SMC5: variants seen among roughly 807,000 people sequenced by gnomAD.
SMC5 encodes the protein structural maintenance of chromosomes protein 5.
SMC5 carries 88 observed loss-of-function variants against 148.3 expected under a neutral mutation model. The ratio of observed to expected loss-of-function variants is 0.59; its 90% confidence interval spans 0.50 to 0.71. The LOEUF is 0.71. Ranked by LOEUF, SMC5 falls within the 30% of genes least tolerant of loss-of-function variation. The probability of loss-of-function intolerance (pLI) is 0.00; values close to 1 mark genes in which losing one functional copy is unlikely to be tolerated. For synonymous variants in SMC5, 421 were observed against 432.8 expected (o/e 0.97, Z 0.34); for missense variants, 1,142 against 1,298.9 (o/e 0.88, Z 1.86).
intron 8 of SMC5, among the ~76,000 whole-genome samples, chr9:70,295,186 C>T (rs887712051): frequency 4.6e-5 from 7 of 151,448 alleles, no homozygotes; most frequent in Non-Finnish European, 7.4e-5. Flanking sequence ...AACATTCAGG[C>T]GGGGCGCGGT....
chr9:70,261,914 C>T (rs938863583), intron 1 of SMC5, among the ~76,000 whole-genome samples: 1 of 152,184 alleles, frequency 6.6e-6, no homozygotes, highest in Non-Finnish European at 1.5e-5. Context: ...GAAAAGAGCC[C>T]ACTGCATTTA....
chr9:70,317,842 C>A (rs2035842426), intron 13 of SMC5, among the ~76,000 whole-genome samples: 1 of 152,110 alleles, frequency 6.6e-6, no homozygotes, highest in Non-Finnish European at 1.5e-5. Context: ...TTTGATTATT[C>A]TTCCCAAATA....
chr9:70,348,085 A>T (rs757090967), intron 22 of SMC5, 47 bp downstream of exon 22: 1 of 1,406,234 alleles, frequency 7.1e-7, no homozygotes, highest in South Asian at 1.4e-5. Flanking sequence ...AATAATTTTA[A>T]TTATATGCTT....
chr9:70,333,692 C>T (rs527647163), intron 17 of SMC5, among the ~76,000 whole-genome samples: 92 of 152,242 alleles, frequency 6.0e-4, no homozygotes, highest in African/African-American at 2.1e-3. Context: ...GATCATGTCA[C>T]TGCACTCCAG....
chr9:70,338,450 C>G (rs534733693), intron 17 of SMC5, among the ~76,000 whole-genome samples: 28 of 152,226 alleles, frequency 1.8e-4, no homozygotes, highest in African/African-American at 6.5e-4. Flanking sequence ...TCACGGCTAC[C>G]ACTCTGTCTA....
rs558444076 is a variant in SMC5 at position 70,314,014 on chromosome 9, C to T, written c.1579-728C>T. Among the ~76,000 whole-genome samples the T allele has an allele frequency of 8.5e-5, 13 of 152,274 alleles. No homozygotes were observed. The South Asian group carries it at 2.5e-3, about 29-fold the overall frequency. On this transcript the variant is annotated intron_variant, in intron 11 of 24. Transcript: ENST00000361138. The stretch of plus-strand genomic sequence containing the variant: ...TTTTAGCCTTCCACTTGTTGCTTTC[C>T]TCCAATCCCCTGGAATTTTCCTGTG...
chr9:70,333,721 ACT>A (rs912894533), intron 17 of SMC5, among the ~76,000 whole-genome samples: 12 of 152,088 alleles, frequency 7.9e-5, no homozygotes, highest in Non-Finnish European at 1.8e-4. Flanking sequence ...ACAGAGTAAG[ACT>A]CTGTCCCAAA....
chr9:70,263,357 C>A (rs1190143326), intron 1 of SMC5, among the ~76,000 whole-genome samples: 1 of 152,112 alleles, frequency 6.6e-6, no homozygotes, highest in Non-Finnish European at 1.5e-5. Context: ...TTTTTATTAC[C>A]ACCCGACATT....
chr9:70,309,995 C>T (rs975430642), intron 11 of SMC5, among the ~76,000 whole-genome samples: 13 of 152,066 alleles, frequency 8.5e-5, no homozygotes, highest in South Asian at 6.2e-4. Flanking sequence ...TACAGGTATG[C>T]GCCACCATGC....
intron 9 of SMC5, among the ~76,000 whole-genome samples, chr9:70,299,787 T>TTTG (rs2035309950): frequency 6.6e-6 from 1 of 151,538 alleles, no homozygotes; most frequent in African/African-American, 2.4e-5. Flanking sequence ...TTGTGGGTTT[T>TTTG]TTTGTTTGTT....
At chr9:70,335,837 CAA>C in intron 17 of SMC5, among the ~76,000 whole-genome samples, 1 of 150,710 alleles carries the variant, frequency 6.6e-6, no homozygotes, top group Admixed American at 6.6e-5. Flanking sequence ...AATGAGTTAC[CAA>C]AAAAAAATTA....
chr9:70,279,648 C>T (rs2034693695), intron 5 of SMC5, among the ~76,000 whole-genome samples: 6 of 152,074 alleles, frequency 3.9e-5, no homozygotes, highest in Middle Eastern at 3.4e-3. Context: ...GAAACCCTGT[C>T]TCTACTAAAA....
chr9:70,264,045 C>T (rs2034209080), intron 1 of SMC5, among the ~76,000 whole-genome samples: 1 of 152,070 alleles, frequency 6.6e-6, no homozygotes, highest in African/African-American at 2.4e-5. Flanking sequence ...TAAAAAAGAA[C>T]AAGGTATCAA....
chr9:70,324,525 A>G (rs1418796130), intron 17 of SMC5, among the ~76,000 whole-genome samples: 2 of 152,174 alleles, frequency 1.3e-5, no homozygotes, highest in Non-Finnish European at 2.9e-5. Context: ...TAATATAACA[A>G]CAAACCTGTG....
chr9:70,341,846 C>T lies in SMC5; in HGVS notation c.2398-2298C>T, dbSNP rs1243380487. The stretch of plus-strand genomic sequence containing the variant: ...GACAGTGTGGCAATTCCTCAAGGAT[C>T]TAGAACTAGAAATACCATTTGACCC... On this transcript the variant is annotated intron_variant, in intron 17 of 24. Transcript: ENST00000361138. Among the ~76,000 whole-genome samples, 3 of 151,738 alleles carry T rather than the reference C, an allele frequency of 2.0e-5. No homozygotes were observed. In the East Asian group the frequency reaches 5.8e-4, roughly 29 times the overall value.
intron 10 of SMC5, among the ~76,000 whole-genome samples, chr9:70,301,939 A>G (rs1587664830): frequency 1.3e-5 from 2 of 152,220 alleles, no homozygotes; most frequent in African/African-American, 4.8e-5. Context: ...ATATCTACCT[A>G]TCTTTATCTT....
chr9:70,294,660 C>A (rs1185798988), intron 8 of SMC5, among the ~76,000 whole-genome samples: 2 of 152,134 alleles, frequency 1.3e-5, no homozygotes, highest in Admixed American at 6.5e-5. Context: ...TATGGAAATA[C>A]ATTTTTCAGA....
intron 10 of SMC5, among the ~76,000 whole-genome samples, chr9:70,303,596 T>C (rs2035419604): frequency 1.3e-5 from 2 of 152,194 alleles, no homozygotes; most frequent in African/African-American, 4.8e-5. Context: ...TTGGCCAACA[T>C]TTATGCGACA....
intron 17 of SMC5, among the ~76,000 whole-genome samples, chr9:70,327,312 A>C (rs2036106061): frequency 6.6e-6 from 1 of 152,218 alleles, no homozygotes; most frequent in South Asian, 2.1e-4. Context: ...GCCTACATGA[A>C]GAATCGTATA....
Sources: gnomAD v4.1 joint callset for allele counts (sites outside exome capture counted in the v4.1 genomes callset) on GRCh38, gnomAD v4.1.1 for gene constraint, MANE v1.5 for transcripts, NCBI Gene and HGNC (gene_info 2026-07-23, HGNC 2026-07-21) for gene names.